Variants in ERAP1 observed in about 807,000 individuals in gnomAD.
ERAP1 encodes adipocyte-derived leucine aminopeptidase.
Under a neutral mutation model 103.7 loss-of-function variants are expected in ERAP1, and 86 were observed. That is an observed-to-expected ratio of 0.83 (90% CI 0.70 to 0.99). The LOEUF (loss-of-function observed/expected upper bound fraction) is 0.99, where lower values mean the gene tolerates loss of function less well. Ranked by LOEUF, ERAP1 falls within the 50% of genes least tolerant of loss-of-function variation. The pLI is 0.00. For missense variants in ERAP1, 1,009 were observed against 1,128.4 expected (o/e 0.89, Z 1.52); for synonymous variants, 398 against 402.4 (o/e 0.99, Z 0.13).
At chr5:96,843,794 T>G in the ERAP1 span, among the ~76,000 whole-genome samples, 1 of 152,194 alleles carries the variant, frequency 6.6e-6, no homozygotes, top group East Asian at 1.9e-4. Flanking sequence ...TTGAGGGGTC[T>G]GGAAGGAATC....
At chr5:96,777,790 A>G (rs1774556246) in intron 18 of ERAP1, among the ~76,000 whole-genome samples, 1 of 152,244 alleles carries the variant, frequency 6.6e-6, no homozygotes, top group Non-Finnish European at 1.5e-5. Flanking sequence ...CTTCTACAAC[A>G]GCGAAGCCAG....
the ERAP1 span, among the ~76,000 whole-genome samples, chr5:96,914,148 T>TCTCACACACACACACACACACACACACA: frequency 2.0e-5 from 3 of 147,982 alleles, no homozygotes; most frequent in South Asian, 2.2e-4. Context: ...TCTCTCTCTC[T>TCTCACACACACACACACACACACACACA]CACACACACA....
intron 1 of ERAP1, among the ~76,000 whole-genome samples, chr5:96,805,210 C>G (rs1778438364): frequency 6.6e-6 from 1 of 152,204 alleles, no homozygotes; most frequent in Admixed American, 6.5e-5. Flanking sequence ...TTTCCTAACT[C>G]TGGCTGCATA....
At chr5:96,814,359 T>C in the ERAP1 span, 1 of 455,988 alleles carries the variant, frequency 2.2e-6, no homozygotes, top group Admixed American at 2.4e-5. Flanking sequence ...GAGGCAAGGA[T>C]CATGGGGGCA....
chr5:96,902,006 G>T, the ERAP1 span, among the ~76,000 whole-genome samples: 3 of 152,172 alleles, frequency 2.0e-5, no homozygotes, highest in Non-Finnish European at 4.4e-5. Context: ...AATTGTTATG[G>T]TATGAGATTA....
At chr5:96,887,100 T>TATATATATATATAC in the ERAP1 span, among the ~76,000 whole-genome samples, 3 of 137,462 alleles carry the variant, frequency 2.2e-5, no homozygotes, top group Non-Finnish European at 4.7e-5. Flanking sequence ...TATATATATA[T>TATATATATATATAC]ACACACACAC....
At chr5:96,896,062 G>A in the ERAP1 span, among the ~76,000 whole-genome samples, 4 of 152,234 alleles carry the variant, frequency 2.6e-5, no homozygotes, top group Non-Finnish European at 5.9e-5. Context: ...CAGATGATAG[G>A]TCTAGGCACG....
At chr5:96,823,221 A>G in the ERAP1 span, 7 of 430,020 alleles carry the variant, frequency 1.6e-5, no homozygotes, top group South Asian at 8.2e-5. Flanking sequence ...CACCTTTGTC[A>G]TATTCCATTT....
intron 19 of ERAP1, chr5:96,767,547 AT>A: frequency 7.7e-7 from 1 of 1,306,256 alleles, no homozygotes; most frequent in Non-Finnish European, 1.1e-6. Flanking sequence ...GGTATTTGGC[AT>A]TTTAGAAAAC....
chr5:96,881,196 T>G, the ERAP1 span: 6 of 345,496 alleles, frequency 1.7e-5, no homozygotes, highest in East Asian at 4.6e-4. Flanking sequence ...TCTGCTCTGA[T>G]TTATGCTTTA....
At chr5:96,861,002 G>A in the ERAP1 span, among the ~76,000 whole-genome samples, 2 of 151,116 alleles carry the variant, frequency 1.3e-5, no homozygotes, top group African/African-American at 4.9e-5. Flanking sequence ...AGCCTCTACC[G>A]ACTGAAGAGA....
At chr5:96,898,737 T>TAAAAC in the ERAP1 span, among the ~76,000 whole-genome samples, 54 of 152,056 alleles carry the variant, frequency 3.6e-4, no homozygotes, top group African/African-American at 1.1e-3. Flanking sequence ...GACTCTGTCT[T>TAAAAC]AAAACAAAAC....
At chr5:96,784,440 A>G (rs1775705702) in intron 13 of ERAP1, among the ~76,000 whole-genome samples, 1 of 152,154 alleles carries the variant, frequency 6.6e-6, no homozygotes, top group Non-Finnish European at 1.5e-5. Context: ...CTGAGATGGC[A>G]CCACTGCACT....
At chr5:96,866,340 A>G in the ERAP1 span, among the ~76,000 whole-genome samples, 2 of 152,204 alleles carry the variant, frequency 1.3e-5, no homozygotes. Context: ...CTCTTGCCTT[A>G]AAGAGCCAAC....
intron 8 of ERAP1, 101 bp from the exon 9 acceptor site, chr5:96,790,744 A>G: frequency 9.3e-7 from 1 of 1,077,700 alleles, no homozygotes; most frequent in Non-Finnish European, 1.4e-6. Flanking sequence ...TGAAAACGCA[A>G]CTGCAGGAAC....
chr5:96,827,557 T>C, the ERAP1 span, among the ~76,000 whole-genome samples: 7 of 152,016 alleles, frequency 4.6e-5, no homozygotes, highest in African/African-American at 1.7e-4. Flanking sequence ...CCCAGCTACT[T>C]GGGAGGCTGA....
the ERAP1 span, among the ~76,000 whole-genome samples, chr5:96,887,073 G>GTATATATATATATATA: frequency 6.9e-5 from 6 of 87,162 alleles, no homozygotes; most frequent in African/African-American, 1.8e-4. Context: ...AATTTTCAAA[G>GTATATATATATATATA]TATATATATA....
At chr5:96,929,508 G>A in the ERAP1 span, among the ~76,000 whole-genome samples, 4 of 148,132 alleles carry the variant, frequency 2.7e-5, no homozygotes, top group East Asian at 2.0e-4. Flanking sequence ...TTCTTGAGAC[G>A]GGGCTTCACT....
chr5:96,902,889 G>C, the ERAP1 span: 1 of 154,368 alleles, frequency 6.5e-6, no homozygotes, highest in African/African-American at 2.4e-5. Flanking sequence ...AAAATACATA[G>C]TATAATTTTA....
Sources: allele counts gnomAD v4.1 joint callset (sites outside exome capture counted in the v4.1 genomes callset), GRCh38; gene constraint gnomAD v4.1.1; transcripts MANE v1.5; gene names NCBI Gene and HGNC (gene_info 2026-07-23, HGNC 2026-07-21).